The following PGM1 variants were observed in gnomAD, a reference collection of about 807,000 sequenced individuals.
PGM1 encodes phosphoglucomutase 1.
PGM1 carries 52 observed loss-of-function variants against 55.6 expected under a neutral mutation model. The ratio of observed to expected loss-of-function variants is 0.94; its 90% confidence interval spans 0.75 to 1.18. The LOEUF (loss-of-function observed/expected upper bound fraction) is 1.18. PGM1 is among the 50% of genes most tolerant of loss of function. The probability of loss-of-function intolerance (pLI) is 0.00; values close to 1 mark genes in which losing one functional copy is unlikely to be tolerated. For synonymous variants in PGM1, 287 were observed against 271.7 expected (o/e 1.06, Z -0.55); for missense variants, 724 against 729.3 (o/e 0.99, Z 0.08).
chr1:63,623,402 T>G, intron 1 of PGM1: 1 of 1,568,204 alleles, frequency 6.4e-7, no homozygotes, highest in Non-Finnish European at 8.6e-7. Context: ...CAGACCTATT[T>G]TGGAGTCCCT....
chr1:63,623,679 A>G (rs372613752), intron 1 of PGM1: 24 of 1,612,566 alleles, frequency 1.5e-5, no homozygotes, highest in Non-Finnish European at 2.0e-5. Flanking sequence ...GCCAGGGATC[A>G]TCACTGGTGG....
intron 9 of PGM1, 145 bp from the exon 10 acceptor site, chr1:63,654,187 G>T (rs531438055): frequency 6.2e-6 from 5 of 805,042 alleles, no homozygotes; most frequent in South Asian, 4.1e-5. Flanking sequence ...AGGCTCACAA[G>T]GTGCAGCTGC....
intron 1 of PGM1, 163 bp downstream of exon 1, chr1:63,593,897 G>A: frequency 1.6e-6 from 2 of 1,256,568 alleles, no homozygotes; most frequent in Non-Finnish European, 2.0e-6. Flanking sequence ...CTGGCCTGGA[G>A]GCCCGACGGA....
intron 7 of PGM1, among the ~76,000 whole-genome samples, chr1:63,647,202 C>T (rs1359651071): frequency 2.1e-5 from 3 of 143,316 alleles, no homozygotes; most frequent in South Asian, 2.2e-4. Context: ...AAGATCATGC[C>T]ACTTTACTCC....
At chr1:63,637,147 G>C (rs980951370) in intron 6 of PGM1, among the ~76,000 whole-genome samples, 1 of 152,184 alleles carries the variant, frequency 6.6e-6, no homozygotes, top group Admixed American at 6.5e-5. Context: ...AGGAAAGTAG[G>C]CTGTAATATA....
chr1:63,619,607 A>G (rs1486617206), intron 1 of PGM1, among the ~76,000 whole-genome samples: 2 of 152,226 alleles, frequency 1.3e-5, no homozygotes, highest in Non-Finnish European at 2.9e-5. Context: ...ATTGGTTTAT[A>G]TTCTTTTTGC....
At chr1:63,613,536 G>A (rs555644084) in intron 1 of PGM1, among the ~76,000 whole-genome samples, 1 of 151,770 alleles carries the variant, frequency 6.6e-6, no homozygotes, top group Non-Finnish European at 1.5e-5. Flanking sequence ...TCTTCCCTAT[G>A]TATCTCTTCT....
At chr1:63,594,070 C>G (rs2100948593) in intron 1 of PGM1, 1 of 1,065,702 alleles carries the variant, frequency 9.4e-7, no homozygotes, top group Non-Finnish European at 1.1e-6. Flanking sequence ...CCCGAGGCGT[C>G]TGACATTTGC....
chr1:63,611,645 C>T (rs895077495), intron 1 of PGM1, among the ~76,000 whole-genome samples: 1 of 152,186 alleles, frequency 6.6e-6, no homozygotes, highest in African/African-American at 2.4e-5. Flanking sequence ...TGGCTCTCAC[C>T]TGTAATCCCA....
At chr1:63,615,774 G>A (rs184216372) in intron 1 of PGM1, among the ~76,000 whole-genome samples, 58 of 151,378 alleles carry the variant, frequency 3.8e-4, no homozygotes, top group African/African-American at 1.2e-3. Context: ...TTGGCCAGGC[G>A]GATCACTTGA....
chr1:63,598,504 A>C (rs60710855), intron 1 of PGM1, among the ~76,000 whole-genome samples: 20,738 of 152,120 alleles, frequency 0.14, 1,538 homozygotes, highest in Middle Eastern at 0.25. Context: ...CAGTATTTTG[A>C]GATAACTATA....
intron 7 of PGM1, among the ~76,000 whole-genome samples, chr1:63,647,473 C>T (rs962488019): frequency 3.4e-5 from 5 of 146,338 alleles, no homozygotes; most frequent in African/African-American, 1.2e-4. Flanking sequence ...TTATGAATAC[C>T]GAATTTACAT....
intron 9 of PGM1, among the ~76,000 whole-genome samples, chr1:63,652,685 C>T (rs1399948387): frequency 6.6e-6 from 1 of 152,162 alleles, no homozygotes; most frequent in Admixed American, 6.5e-5. Context: ...AGATTTTTGG[C>T]CTGGTCCTTG....
intron 1 of PGM1, among the ~76,000 whole-genome samples, chr1:63,614,437 G>A (rs1317752260): frequency 9.2e-5 from 14 of 152,128 alleles, no homozygotes; most frequent in Admixed American, 9.2e-4. Flanking sequence ...ATGCCTTGCT[G>A]CTGCCCCCAT....
chr1:63,594,198 G>C (rs1484093421), intron 1 of PGM1: 32 of 883,294 alleles, frequency 3.6e-5, no homozygotes, highest in Non-Finnish European at 4.2e-5. Flanking sequence ...CCGCTCCTCT[G>C]CTATTCTCGG....
intron 10 of PGM1, among the ~76,000 whole-genome samples, chr1:63,654,756 A>AAATT (rs920723420): frequency 2.6e-5 from 4 of 151,996 alleles, no homozygotes; most frequent in Admixed American, 6.6e-5. Context: ...CTTATATCAA[A>AAATT]AATTAATTAA....
rs2749100 is a variant in PGM1 at position 63,659,308 on chromosome 1, G to T, written c.1600-278G>T. On this transcript the variant is annotated intron_variant, in intron 10 of 10. Coordinates refer to ENST00000371084, the MANE Select transcript of PGM1 (RefSeq NM_002633.3). ...AGAGATTTAGCGGGGAAAAGTCATT[G>T]AGGCCTGCTCATGGACTGGGCATGG... Among the ~76,000 whole-genome samples the T allele has an allele frequency of 0.31, 46,685 of 152,056 alleles. 7,747 individuals are homozygous for T. The highest frequency in any genetic ancestry group is 0.44 in the African/African-American group (18,314 of 41,462).
intron 1 of PGM1, among the ~76,000 whole-genome samples, chr1:63,615,553 T>C (rs375371230): frequency 9.6e-5 from 8 of 83,610 alleles, no homozygotes; most frequent in East Asian, 6.0e-4. Flanking sequence ...TCTTCTTCTT[T>C]TTTTTTTTTT....
chr1:63,638,823 C>G (rs1305448171), intron 7 of PGM1, 23 bp downstream of exon 7: 6 of 1,492,516 alleles, frequency 4.0e-6, no homozygotes, highest in Middle Eastern at 1.7e-4. Flanking sequence ...CCTGTGCTAG[C>G]ATTTTCCTCC....
Sources: gnomAD v4.1 joint callset for allele counts (sites outside exome capture counted in the v4.1 genomes callset) on GRCh38, gnomAD v4.1.1 for gene constraint, MANE v1.5 for transcripts, NCBI Gene and HGNC (gene_info 2026-07-23, HGNC 2026-07-21) for gene names.